Variants in SGCZ observed in about 807,000 individuals in gnomAD.
SGCZ encodes the protein sarcoglycan zeta.
Under a neutral mutation model 41.3 loss-of-function variants are expected in SGCZ, and 40 were observed. The observed-to-expected ratio is 0.97, with a 90% CI of 0.75 to 1.26. The LOEUF (loss-of-function observed/expected upper bound fraction) is 1.26. Among genes scored for constraint, SGCZ ranks in the 50% most tolerant of loss-of-function variants. The pLI is 0.00. For missense variants in SGCZ, 552 were observed against 369.8 expected, an observed-to-expected ratio of 1.49 and a Z score of -4.04; for synonymous variants, 206 against 137.5, an observed-to-expected ratio of 1.50 and a Z score of -3.49.
intron 1 of SGCZ, among the ~76,000 whole-genome samples, chr8:14,811,796 G>A (rs1259751799): frequency 6.6e-6 from 1 of 151,894 alleles, no homozygotes; most frequent in Non-Finnish European, 1.5e-5. Flanking sequence ...TTTCAAAGCT[G>A]CTATTCCAAT....
In SGCZ at chr8:14,644,435, T is replaced by A. The variant is rs1272102460; in HGVS notation, c.40-89509A>T. On this transcript the variant is annotated intron_variant, in intron 1 of 7. Coordinates refer to ENST00000382080, the MANE Select transcript of SGCZ (RefSeq NM_139167.4). Reference sequence around the variant, plus strand: ...CTGCAACATCAACTCTTACCCAAGTTTCCAGTTACCAAGCCTGCCTCATAG... The same window carrying A: ...CTGCAACATCAACTCTTACCCAAGTATCCAGTTACCAAGCCTGCCTCATAG... Among the ~76,000 whole-genome samples, 7 of 151,876 alleles carry A rather than the reference T, an allele frequency of 4.6e-5. No homozygotes were observed. In the East Asian group the frequency reaches 1.4e-3, roughly 29 times the overall value.
chr8:15,154,152 T>G (rs1001456031), intron 1 of SGCZ, among the ~76,000 whole-genome samples: 1 of 152,212 alleles, frequency 6.6e-6, no homozygotes, highest in Non-Finnish European at 1.5e-5. Context: ...GGTTGGGGAC[T>G]CCTGTTATAA....
chr8:14,597,933 A>G (rs969473130), intron 1 of SGCZ, among the ~76,000 whole-genome samples: 1 of 152,188 alleles, frequency 6.6e-6, no homozygotes, highest in Non-Finnish European at 1.5e-5. Flanking sequence ...CAACCATCTC[A>G]ATATTTATAT....
At chr8:14,132,482 T>C (rs545287095) in intron 5 of SGCZ, among the ~76,000 whole-genome samples, 1 of 152,338 alleles carries the variant, frequency 6.6e-6, no homozygotes, top group Middle Eastern at 3.4e-3. Flanking sequence ...ATTTCTTGTA[T>C]ATCGTTACAG....
chr8:14,880,529 A>C (rs1212662290), intron 1 of SGCZ, among the ~76,000 whole-genome samples: 1 of 152,208 alleles, frequency 6.6e-6, no homozygotes, highest in Non-Finnish European at 1.5e-5. Flanking sequence ...CACTATTCAC[A>C]ATAGCAAAGA....
intron 1 of SGCZ, among the ~76,000 whole-genome samples, chr8:15,210,546 G>C (rs1052467655): frequency 2.0e-5 from 3 of 152,106 alleles, no homozygotes; most frequent in Non-Finnish European, 1.5e-5. Flanking sequence ...GCTGTCTTCA[G>C]ATCAATTACC....
chr8:14,861,107 T>C (rs1218363028), intron 1 of SGCZ, among the ~76,000 whole-genome samples: 1 of 152,188 alleles, frequency 6.6e-6, no homozygotes, highest in African/African-American at 2.4e-5. Flanking sequence ...ACGAGGTGAA[T>C]GTGTTACGTC....
chr8:14,905,592 C>A (rs1025964588), intron 1 of SGCZ, among the ~76,000 whole-genome samples: 3 of 151,802 alleles, frequency 2.0e-5, no homozygotes, highest in African/African-American at 7.3e-5. Flanking sequence ...AAAATCTCTG[C>A]CCACACACAA....
Position 14,951,202 on chromosome 8 carries a change from T to C in SGCZ, c.39+286383A>G, listed in dbSNP as rs1401149793. 3.3e-5 allele frequency among the ~76,000 whole-genome samples: 5 copies of C among 152,056 alleles called. No individual in the cohort carries two copies. In the East Asian group the frequency reaches 9.6e-4, roughly 29 times the overall value. On this transcript the variant is annotated intron_variant, in intron 1 of 7. Transcript: ENST00000382080. ...TCTCTTTATAGTTATACCTCAATCA[T>C]ATTTGTTATGCTGACTTAAAACATG...
intron 1 of SGCZ, among the ~76,000 whole-genome samples, chr8:14,663,326 T>A (rs1807814242): frequency 6.6e-6 from 1 of 152,218 alleles, no homozygotes; most frequent in Admixed American, 6.6e-5. Context: ...TCTTTTCTTA[T>A]TTCACCCTGG....
intron 1 of SGCZ, among the ~76,000 whole-genome samples, chr8:14,991,269 T>A (rs571147292): frequency 2.7e-4 from 41 of 152,218 alleles, no homozygotes; most frequent in Non-Finnish European, 5.0e-4. Flanking sequence ...GGCTCGATAG[T>A]AATAGGTACT....
intron 1 of SGCZ, among the ~76,000 whole-genome samples, chr8:15,070,396 A>C (rs1022630268): frequency 1.3e-5 from 2 of 152,188 alleles, no homozygotes; most frequent in African/African-American, 4.8e-5. Flanking sequence ...ATAATATGCA[A>C]CTGACACTTT....
chr8:14,188,824 G>GTTTTTTTTTTTTTTTTTTTTTT (rs145555540), intron 4 of SGCZ, among the ~76,000 whole-genome samples: 1 of 62,398 alleles, frequency 1.6e-5, no homozygotes, highest in Non-Finnish European at 2.6e-5. Flanking sequence ...TTGTTTCTTT[G>GTTTTTTTTTTTTTTTTTTTTTT]TTTTTTTTTG....
At chr8:14,101,269 A>G (rs1678790146) in intron 7 of SGCZ, among the ~76,000 whole-genome samples, 1 of 146,824 alleles carries the variant, frequency 6.8e-6, no homozygotes, top group African/African-American at 2.4e-5. Flanking sequence ...GCACAGTAAG[A>G]GAAAGAAACT....
chr8:14,165,323 T>C (rs1323729484), intron 4 of SGCZ: 1 of 152,178 alleles, frequency 6.6e-6, no homozygotes, highest in Non-Finnish European at 1.5e-5. Flanking sequence ...TCCTGATTTA[T>C]TGAAAAACGG....
chr8:15,050,026 C>T (rs1403926469), intron 1 of SGCZ, among the ~76,000 whole-genome samples: 1 of 152,098 alleles, frequency 6.6e-6, no homozygotes, highest in Non-Finnish European at 1.5e-5. Context: ...TGAGAACAAA[C>T]TAATACAGTC....
intron 2 of SGCZ, among the ~76,000 whole-genome samples, chr8:14,449,849 T>C (rs912638601): frequency 6.6e-6 from 1 of 152,162 alleles, no homozygotes; most frequent in Non-Finnish European, 1.5e-5. Context: ...GCAACTGAGA[T>C]GAATTAGTAT....
intron 1 of SGCZ, among the ~76,000 whole-genome samples, chr8:15,204,103 T>C (rs1288974806): frequency 2.6e-5 from 4 of 152,212 alleles, no homozygotes; most frequent in Non-Finnish European, 5.9e-5. Context: ...ACTCCTAGCA[T>C]TAAACAGCAC....
At chr8:15,002,839 G>C (rs937246180) in intron 1 of SGCZ, among the ~76,000 whole-genome samples, 1 of 152,042 alleles carries the variant, frequency 6.6e-6, no homozygotes, top group Non-Finnish European at 1.5e-5. Flanking sequence ...ATCTCATCTT[G>C]AATTACAGAT....
Sources: allele counts gnomAD v4.1 joint callset (sites outside exome capture counted in the v4.1 genomes callset), GRCh38; gene constraint gnomAD v4.1.1; transcripts MANE v1.5; gene names NCBI Gene and HGNC (gene_info 2026-07-23, HGNC 2026-07-21).